ADARB2: variants seen among roughly 807,000 people sequenced by gnomAD.
ADARB2 encodes the protein adenosine deaminase RNA specific B2 (inactive), also known as inactive double-stranded RNA-specific editase B2.
Under a neutral mutation model 62.2 loss-of-function variants are expected in ADARB2, and 25 were observed. The ratio of observed to expected loss-of-function variants is 0.40; its 90% confidence interval spans 0.29 to 0.56. The LOEUF (loss-of-function observed/expected upper bound fraction) is 0.56, where lower values mean the gene tolerates loss of function less well. ADARB2 is among the 20% of genes least tolerant of loss of function. The pLI, the probability that ADARB2 is intolerant of heterozygous loss-of-function variation, is 0.43. For synonymous variants in ADARB2, 572 were observed against 500.8 expected, an observed-to-expected ratio of 1.14 and a Z score of -1.90; for missense variants, 1,071 against 1,077.4, an observed-to-expected ratio of 0.99 and a Z score of 0.08.
intron 1 of ADARB2, among the ~76,000 whole-genome samples, chr10:1,690,732 T>C (rs1248547265): frequency 6.6e-6 from 1 of 152,168 alleles, no homozygotes; most frequent in African/African-American, 2.4e-5. Flanking sequence ...CTGCACCCCG[T>C]GGATGTCTTC....
At chr10:1,576,273 C>G (rs1307909343) in intron 1 of ADARB2, among the ~76,000 whole-genome samples, 1 of 145,676 alleles carries the variant, frequency 6.9e-6, no homozygotes, top group East Asian at 2.1e-4. Flanking sequence ...GGCTCAGGGT[C>G]AAAGGAGGGG....
chr10:1,305,264 A>C (rs200452756), intron 3 of ADARB2, among the ~76,000 whole-genome samples: 99,636 of 139,240 alleles, frequency 0.72, 36,181 homozygotes, highest in East Asian at 0.93. Context: ...TCAGAGAATA[A>C]TACAAACACC....
chr10:1,524,612 T>A (rs551850628), intron 1 of ADARB2, among the ~76,000 whole-genome samples: 33 of 152,354 alleles, frequency 2.2e-4, no homozygotes, highest in Non-Finnish European at 4.1e-4. Flanking sequence ...TGTTTGGTTT[T>A]CACAGGAATC....
intron 1 of ADARB2, among the ~76,000 whole-genome samples, chr10:1,597,470 C>T (rs1833350253): frequency 6.6e-6 from 1 of 152,128 alleles, no homozygotes; most frequent in African/African-American, 2.4e-5. Context: ...CATGAGCAGA[C>T]ATTTTCAAAA....
chr10:1,483,284 A>C (rs960913560), intron 1 of ADARB2, among the ~76,000 whole-genome samples: 2 of 152,252 alleles, frequency 1.3e-5, no homozygotes, highest in Non-Finnish European at 2.9e-5. Context: ...TGTTTCAAAC[A>C]AAGTAGTTAT....
chr10:1,531,577 C>T (rs140353605), intron 1 of ADARB2, among the ~76,000 whole-genome samples: 3,614 of 152,270 alleles, frequency 0.024, 139 homozygotes, highest in African/African-American at 0.082. Context: ...CGGTGGCTCA[C>T]GCCTGTAATC....
chr10:1,312,635 G>A (rs1831702816), intron 3 of ADARB2, among the ~76,000 whole-genome samples: 1 of 152,212 alleles, frequency 6.6e-6, no homozygotes, highest in Non-Finnish European at 1.5e-5. Flanking sequence ...ACCCTTTGAG[G>A]TAGGCGCTGC....
rs780275876 is a variant in ADARB2, at chr10:1,217,064, G to A, written c.1569C>T (p.Ile523=). 15 of 1,609,536 alleles carry A rather than the reference G, an allele frequency of 9.3e-6. No individual in the cohort carries two copies. The Admixed American group carries it at 1.3e-4, about 14-fold the overall frequency. ...RKFRGHLRTK[I]ESGEGTVPVR... is the part of the protein sequence containing the mutation. Reference sequence around the variant, plus strand: ...CGGGGACCGTCCCTTCCCCGGACTCGATCTTGGTGCGCAGGTGCCCGCGGA... The same window carrying A: ...CGGGGACCGTCCCTTCCCCGGACTCAATCTTGGTGCGCAGGTGCCCGCGGA... The change falls in exon 7 of 10, where the codon ATC becomes ATT. Residue 523 remains isoleucine (I), a synonymous_variant. Transcript: ENST00000381312.
At chr10:1,351,150 G>A (rs1006237275) in intron 3 of ADARB2, among the ~76,000 whole-genome samples, 2 of 152,180 alleles carry the variant, frequency 1.3e-5, no homozygotes, top group African/African-American at 4.8e-5. Context: ...GCCACTCCCA[G>A]AGCCCCTGGA....
chr10:1,285,149 G>C (rs75163928), intron 3 of ADARB2, among the ~76,000 whole-genome samples: 1 of 87,004 alleles, frequency 1.1e-5, no homozygotes, highest in Non-Finnish European at 3.2e-5. Flanking sequence ...ATATGAAAAA[G>C]AGAGACATCC....
At chr10:1,452,732 A>T (rs972153644) in intron 1 of ADARB2, among the ~76,000 whole-genome samples, 4 of 10,796 alleles carry the variant, frequency 3.7e-4, no homozygotes, top group Non-Finnish European at 1.1e-3. Flanking sequence ...GCAAACCACC[A>T]TGGCACGTGT....
intron 1 of ADARB2, among the ~76,000 whole-genome samples, chr10:1,569,314 C>G (rs946882202): frequency 1.3e-5 from 2 of 152,136 alleles, no homozygotes; most frequent in African/African-American, 4.8e-5. Flanking sequence ...ACCCAGTGGC[C>G]TCCAGCAGCG....
intron 3 of ADARB2, among the ~76,000 whole-genome samples, chr10:1,298,987 CA>C (rs1374703907): frequency 6.6e-6 from 1 of 151,714 alleles, no homozygotes; most frequent in Non-Finnish European, 1.5e-5. Context: ...TCAAGTGATC[CA>C]CCTGCCTTGG....
chr10:1,189,916 G>A (rs1836816734), intron 8 of ADARB2, among the ~76,000 whole-genome samples: 1 of 145,808 alleles, frequency 6.9e-6, no homozygotes, highest in South Asian at 2.1e-4. Flanking sequence ...AGAACACGTG[G>A]CGCTACCTCC....
At chr10:1,413,893 G>A (rs1321338766) in intron 1 of ADARB2, among the ~76,000 whole-genome samples, 1 of 152,252 alleles carries the variant, frequency 6.6e-6, no homozygotes, top group Non-Finnish European at 1.5e-5. Context: ...CTGGGGATGA[G>A]TTCAGTTAAG....
At chr10:1,709,151 G>C (rs1366772692) in intron 1 of ADARB2, among the ~76,000 whole-genome samples, 1 of 152,192 alleles carries the variant, frequency 6.6e-6, no homozygotes, top group African/African-American at 2.4e-5. Context: ...TCGCTAAGTG[G>C]AGACCTACTT....
intron 1 of ADARB2, among the ~76,000 whole-genome samples, chr10:1,411,352 A>G (rs1205228667): frequency 6.6e-6 from 1 of 152,016 alleles, no homozygotes; most frequent in East Asian, 1.9e-4. Flanking sequence ...TCGTTAGCCC[A>G]CCCGTCCCCA....
intron 1 of ADARB2, among the ~76,000 whole-genome samples, chr10:1,413,677 G>A (rs111560954): frequency 0.019 from 2,880 of 152,216 alleles, 38 homozygotes; most frequent in Middle Eastern, 0.058. Context: ...CCCTGGGGCC[G>A]GGCCTTCTGT....
At chr10:1,319,689 G>C (rs745893012) in intron 3 of ADARB2, among the ~76,000 whole-genome samples, 2 of 151,666 alleles carry the variant, frequency 1.3e-5, no homozygotes, top group African/African-American at 4.9e-5. Context: ...TGCAATGCAT[G>C]TTTCCCTCTT....
Sources: allele counts gnomAD v4.1 joint callset (sites outside exome capture counted in the v4.1 genomes callset), GRCh38; gene constraint gnomAD v4.1.1; transcripts MANE v1.5; gene names NCBI Gene and HGNC (gene_info 2026-07-23, HGNC 2026-07-21).